MYO9A: variants seen among roughly 807,000 people sequenced by gnomAD.
The protein encoded by MYO9A is unconventional myosin-IXa.
A neutral mutation model predicts 293.3 loss-of-function variants in MYO9A; 103 were observed. That is an observed-to-expected ratio of 0.35 (90% CI 0.30 to 0.41). The LOEUF (loss-of-function observed/expected upper bound fraction) is 0.41. Among genes scored for constraint, MYO9A ranks in the 10% least tolerant of loss-of-function variants. The pLI is 1.00. For missense variants in MYO9A, 2,685 were observed against 3,033.0 expected (o/e 0.89, Z 2.69); for synonymous variants, 1,001 against 1,035.7 (o/e 0.97, Z 0.64).
chr15:71,946,161 A>G (rs1349788950), intron 15 of MYO9A, among the ~76,000 whole-genome samples: 1 of 152,210 alleles, frequency 6.6e-6, no homozygotes, highest in Non-Finnish European at 1.5e-5. Flanking sequence ...ATTGGTCTAT[A>G]GTTTTCTTAT....
chr15:71,858,263 A>G (rs2055949050), intron 34 of MYO9A, among the ~76,000 whole-genome samples: 2 of 152,186 alleles, frequency 1.3e-5, no homozygotes, highest in Non-Finnish European at 2.9e-5. Context: ...CTGGGTATAT[A>G]CCCAAAGGAT....
intron 13 of MYO9A, among the ~76,000 whole-genome samples, chr15:71,961,010 G>A (rs1361906093): frequency 6.6e-6 from 1 of 152,146 alleles, no homozygotes; most frequent in Non-Finnish European, 1.5e-5. Flanking sequence ...TCAGTTGTTT[G>A]TTCAGATTTT....
chr15:71,934,679 C>T (rs1226161241), intron 17 of MYO9A, among the ~76,000 whole-genome samples: 1 of 150,960 alleles, frequency 6.6e-6, no homozygotes, highest in Non-Finnish European at 1.5e-5. Context: ...TGACTCATTG[C>T]AGCCTCAACT....
intron 1 of MYO9A, among the ~76,000 whole-genome samples, chr15:72,084,708 C>T (rs1202936205): frequency 6.6e-6 from 1 of 152,170 alleles, no homozygotes; most frequent in Admixed American, 6.5e-5. Context: ...ATCTTATTTC[C>T]CCTTTGCTAT....
intron 18 of MYO9A, among the ~76,000 whole-genome samples, chr15:71,916,848 T>C (rs2058025570): frequency 6.6e-6 from 1 of 152,222 alleles, no homozygotes; most frequent in Non-Finnish European, 1.5e-5. Flanking sequence ...ATGTACCTTT[T>C]TTCTGTGGTT....
chr15:72,027,909 C>T (rs569285331), intron 3 of MYO9A, 116 bp from the exon 4 acceptor site: 34 of 737,952 alleles, frequency 4.6e-5, no homozygotes, highest in African/African-American at 1.1e-4. Context: ...TCAAAATATG[C>T]GCCATTGGCC....
intron 2 of MYO9A, among the ~76,000 whole-genome samples, chr15:72,033,156 A>G (rs930984468): frequency 1.3e-5 from 2 of 152,118 alleles, no homozygotes; most frequent in African/African-American, 4.8e-5. Context: ...CAGCCAAAAT[A>G]AATCATAATT....
chr15:72,087,952 G>A (rs1404783647), intron 1 of MYO9A, among the ~76,000 whole-genome samples: 4 of 152,132 alleles, frequency 2.6e-5, no homozygotes, highest in African/African-American at 9.7e-5. Context: ...AAGTAATGAA[G>A]GTTAAATGAG....
At chr15:71,852,071 C>G in intron 36 of MYO9A, 61 bp downstream of exon 36, 1 of 1,513,978 alleles carries the variant, frequency 6.6e-7, no homozygotes, top group South Asian at 1.3e-5. Context: ...AATCTATACT[C>G]AAGATGGCAT....
At chr15:71,905,735 C>A (rs1332203146) in intron 19 of MYO9A, among the ~76,000 whole-genome samples, 1 of 124,856 alleles carries the variant, frequency 8.0e-6, no homozygotes, top group Non-Finnish European at 1.6e-5. Context: ...TGCACTCCAG[C>A]CTGCGCAACA....
rs1224231142 is a variant in MYO9A at position 71,986,865 on chromosome 15, G to A, written c.1722+4238C>T. ...AAATTTAGTGTAACTTAAGTGTACA[G>A]TGTTTATAAAGTCTAACTAGTGTGT... On this transcript the variant is annotated intron_variant, in intron 11 of 41. Coordinates refer to ENST00000356056, the MANE Select transcript of MYO9A (RefSeq NM_006901.4). Among the ~76,000 whole-genome samples the A allele has an allele frequency of 5.9e-5, 9 of 152,230 alleles. No individual in the cohort carries two copies. The East Asian group carries it at 1.5e-3, about 26-fold the overall frequency.
At position 72,046,287 on chromosome 15, in the gene MYO9A, C is replaced by T; in HGVS notation, c.277G>A (p.Ala93Thr). 6.2e-7 allele frequency: 1 copy of T among 1,614,096 alleles called. No homozygotes were observed. The highest frequency in any genetic ancestry group is 8.5e-7 in the Non-Finnish European group (1 of 1,179,958). Residue 93 changes from alanine (A) to threonine (T), a missense_variant, in exon 2 of 42, where the codon GCT (alanine) becomes ACT (threonine). This residue lies in a region of MYO9A where 63 missense variants were observed against 57.9 expected (regional missense o/e 1.09). Coordinates refer to ENST00000356056, the MANE Select transcript of MYO9A (RefSeq NM_006901.4). ...TCTCCACTTAAGCGATTTTCCAGAGCCATTCGGGGCCACAGCATCATTCGC... is the reference window on the plus strand; with the variant it reads ...TCTCCACTTAAGCGATTTTCCAGAGTCATTCGGGGCCACAGCATCATTCGC... ...VQRMMLWPRM[A>T]LENRLSGEDY...
At chr15:71,892,004 G>C (rs1392685681) in intron 26 of MYO9A, 1 of 152,136 alleles carries the variant, frequency 6.6e-6, no homozygotes, top group Non-Finnish European at 1.5e-5. Flanking sequence ...TTACAGATAT[G>C]TATGGAAATA....
intron 19 of MYO9A, among the ~76,000 whole-genome samples, chr15:71,911,453 T>A (rs1350575842): frequency 6.6e-6 from 1 of 152,184 alleles, no homozygotes; most frequent in East Asian, 1.9e-4. Flanking sequence ...AATTTAGGTT[T>A]CACCGCTTGA....
intron 11 of MYO9A, among the ~76,000 whole-genome samples, chr15:71,987,437 A>G (rs1229581288): frequency 6.6e-6 from 1 of 152,180 alleles, no homozygotes; most frequent in Non-Finnish European, 1.5e-5. Flanking sequence ...TTTTAAGTAC[A>G]ATGTGTATAA....
At chr15:71,967,560 T>C (rs2075908365) in intron 13 of MYO9A, among the ~76,000 whole-genome samples, 1 of 152,146 alleles carries the variant, frequency 6.6e-6, no homozygotes, top group Non-Finnish European at 1.5e-5. Context: ...GACAACATTA[T>C]TAAGATTCCA....
intron 1 of MYO9A, among the ~76,000 whole-genome samples, chr15:72,067,438 C>T (rs778782797): frequency 6.6e-6 from 1 of 152,036 alleles, no homozygotes; most frequent in African/African-American, 2.4e-5. Context: ...TGCCTGCCCA[C>T]ACCTGGCTAA....
chr15:72,045,340 CACA>C (rs1398006890), intron 2 of MYO9A: 1 of 157,882 alleles, frequency 6.3e-6, no homozygotes, highest in East Asian at 1.8e-4. Context: ...CTCAGCTCAC[CACA>C]ACCTCTGCCT....
At chr15:71,867,550 C>T (rs1300376149) in intron 32 of MYO9A, among the ~76,000 whole-genome samples, 2 of 146,432 alleles carry the variant, frequency 1.4e-5, no homozygotes, top group Non-Finnish European at 3.0e-5. Context: ...AGGAAAAGAC[C>T]AAAGCCAAAA....
Sources: gnomAD v4.1 joint callset for allele counts (sites outside exome capture counted in the v4.1 genomes callset) on GRCh38, gnomAD v4.1.1 for gene constraint, gnomAD v4.1.1 regional missense constraint, MANE v1.5 for transcripts, NCBI Gene and HGNC (gene_info 2026-07-23, HGNC 2026-07-21) for gene names.